The following GALNT9 variants were observed in gnomAD, a reference collection of about 807,000 sequenced individuals.
The protein encoded by GALNT9 is polypeptide N-acetylgalactosaminyltransferase 9, also known as GalNAc transferase 9.
A neutral mutation model predicts 63.1 loss-of-function variants in GALNT9; 47 were observed. That is an observed-to-expected ratio of 0.75 (90% CI 0.59 to 0.95). The LOEUF is 0.95. Among genes scored for constraint, GALNT9 ranks in the 40% least tolerant of loss-of-function variants. The pLI is 0.00. For missense variants in GALNT9, 829 were observed against 874.8 expected (o/e 0.95, Z 0.66); for synonymous variants, 396 against 365.7 (o/e 1.08, Z -0.94).
chr12:132,281,790 C>A (rs1880354069), intron 2 of GALNT9, among the ~76,000 whole-genome samples: 1 of 152,140 alleles, frequency 6.6e-6, no homozygotes, highest in African/African-American at 2.4e-5. Flanking sequence ...CAAGCCCAGG[C>A]CTGGGGGTCC....
At position 132,302,685 on chromosome 12, in the gene GALNT9, G is replaced by A. The variant is rs539970900; in HGVS notation, c.239-16255C>T. 5.3e-5 allele frequency among the ~76,000 whole-genome samples: 8 copies of A among 152,358 alleles called. No homozygotes were observed. The South Asian group carries it at 8.3e-4, about 16-fold the overall frequency. ...GCCCAGGGCAGCCGCTTCCACGCAG[G>A]TGTGGGTCAGAGGCAGGGGCAGGAT... On this transcript the variant is annotated intron_variant, in intron 1 of 10. Transcript: ENST00000328957.
In GALNT9 at chr12:132,196,890, C is replaced by T. The variant is rs1875541515; in HGVS notation, c.*217G>A. On this transcript the variant is annotated 3_prime_UTR_variant, in exon 11 of 11. Coordinates refer to ENST00000328957, the MANE Select transcript of GALNT9 (RefSeq NM_001122636.2). ...GCATCACTGTCCCCAGACGCCCTCC[C>T]TCGGGTAGAGCCGCCTGTCCTAGGA... 2.9e-6 allele frequency: 4 copies of T among 1,388,962 alleles called. No individual in the cohort carries two copies. The highest frequency in any genetic ancestry group is 3.7e-6 in the Non-Finnish European group (4 of 1,072,528). The allele number at this position is 1,388,962 out of a possible 1,614,324, so 86.0% of individuals were successfully genotyped here.
chr12:132,294,717 C>G (rs1593110464), intron 1 of GALNT9, among the ~76,000 whole-genome samples: 1 of 45,032 alleles, frequency 2.2e-5, no homozygotes, highest in Non-Finnish European at 4.0e-5. Context: ...CCGGGGCAGC[C>G]TCTGGGAGGG....
At chr12:132,250,562 G>C (rs782361839) in intron 5 of GALNT9, among the ~76,000 whole-genome samples, 25 of 152,250 alleles carry the variant, frequency 1.6e-4, no homozygotes, top group Non-Finnish European at 3.2e-4. Context: ...TGCCAAGGCA[G>C]GCAGATCACC....
chr12:132,205,095 G>A (rs897717583), intron 6 of GALNT9, among the ~76,000 whole-genome samples: 4 of 152,150 alleles, frequency 2.6e-5, no homozygotes, highest in Admixed American at 2.0e-4. Context: ...GTCATCCCTG[G>A]ACTCTGGTTC....
chr12:132,252,307 C>T lies in GALNT9; in HGVS notation c.960-4280G>A, dbSNP rs947608740. The stretch of plus-strand genomic sequence containing the variant: ...CAGGCACATGGGCACCTCCTGCAGC[C>T]GCATCCCCGCCACGACTGAAGCCTT... On this transcript the variant is annotated intron_variant, in intron 5 of 10. Transcript: ENST00000328957. The surrounding 1 kb of genome is among the most constrained non-coding windows in gnomAD (Gnocchi z 5.2). 3.9e-5 allele frequency among the ~76,000 whole-genome samples: 6 copies of T among 152,190 alleles called. No individual in the cohort carries two copies. Among genetic ancestry groups the T allele is most frequent in the African/African-American group, 7.2e-5 (3 of 41,456 alleles).
Position 132,286,291 on chromosome 12 carries a change from G to A in GALNT9, c.378C>T (p.Arg126=), listed in dbSNP as rs782511999. The A allele has an allele frequency of 6.4e-7, 1 of 1,551,228 alleles. No homozygotes were observed. Among genetic ancestry groups the A allele is most frequent in the South Asian group, 1.2e-5 (1 of 84,060 alleles). The change falls in exon 2 of 11, where the codon CGC becomes CGT. Residue 126 remains arginine, a synonymous_variant. Transcript: ENST00000328957. This position sits in a 1 kb window ranked among gnomAD's most constrained non-coding sequence, Gnocchi z 7.4. ...EYGYNAQLSD[R]ISLDRSIPDY... ...CGGGGATGCTCCGATCGAGGGAGAT[G>A]CGGTCGCTGAGCTGAGCGTTGTAGC...
rs566791360 is a variant in GALNT9 at position 132,298,965 on chromosome 12, C to T, written c.239-12535G>A. 4.0e-4 allele frequency among the ~76,000 whole-genome samples: 59 copies of T among 148,752 alleles called. 3 individuals are homozygous for T. Among genetic ancestry groups the T allele is most frequent in the Non-Finnish European group, 5.8e-4 (39 of 66,954 alleles). On this transcript the variant is annotated intron_variant, in intron 1 of 10. Coordinates refer to ENST00000328957, the MANE Select transcript of GALNT9 (RefSeq NM_001122636.2). ...TAAACAACCCACTCCTGAGATAAAT[C>T]ACTCCCATAACTAACCCACTCGGAC...
chr12:132,250,213 G>A (rs1007725599), intron 5 of GALNT9, among the ~76,000 whole-genome samples: 2 of 152,134 alleles, frequency 1.3e-5, no homozygotes, highest in Admixed American at 6.5e-5. Flanking sequence ...GTGTGACTCC[G>A]TCCGCATGCA....
Position 132,319,116 on chromosome 12 carries a change from C to T in GALNT9, c.238+9850G>A, listed in dbSNP as rs1868661717. On this transcript the variant is annotated intron_variant, in intron 1 of 10. Transcript: ENST00000328957. The surrounding 1 kb of genome is among the most constrained non-coding windows in gnomAD (Gnocchi z 5.2). Reference sequence around the variant, plus strand: ...CGTGCGTGCCTTCATGTGAGGTGTGCTCCCCATGGTTGAAGCTAGTTGTGA... The same window carrying T: ...CGTGCGTGCCTTCATGTGAGGTGTGTTCCCCATGGTTGAAGCTAGTTGTGA... Among the ~76,000 whole-genome samples, 1 of 152,176 alleles carries T rather than the reference C, an allele frequency of 6.6e-6. No individual in the cohort carries two copies. The highest frequency in any genetic ancestry group is 2.1e-4 in the South Asian group (1 of 4,832).
intron 1 of GALNT9, among the ~76,000 whole-genome samples, chr12:132,324,733 G>A (rs1367184096): frequency 3.4e-5 from 5 of 148,618 alleles, no homozygotes; most frequent in Non-Finnish European, 6.0e-5. Flanking sequence ...TCCCCCCACC[G>A]CCCCTTTCTC....
At chr12:132,305,986 G>C (rs913022333) in intron 1 of GALNT9, among the ~76,000 whole-genome samples, 2 of 151,868 alleles carry the variant, frequency 1.3e-5, no homozygotes, top group Non-Finnish European at 2.9e-5. Flanking sequence ...GGGGGCTCAC[G>C]GCGGGGCCCA....
At chr12:132,237,255 C>T (rs1050477064) in intron 6 of GALNT9, among the ~76,000 whole-genome samples, 4 of 152,086 alleles carry the variant, frequency 2.6e-5, no homozygotes, top group Non-Finnish European at 5.9e-5. Context: ...TGATCACACC[C>T]GTCCACACCT....
At chr12:132,237,095 G>C (rs1878032257) in intron 6 of GALNT9, among the ~76,000 whole-genome samples, 1 of 151,998 alleles carries the variant, frequency 6.6e-6, no homozygotes, top group Admixed American at 6.6e-5. Context: ...CCCCAGTGTG[G>C]AGCGGCCAGG....
intron 1 of GALNT9, among the ~76,000 whole-genome samples, chr12:132,295,289 G>A (rs368033897): frequency 1.3e-5 from 2 of 152,218 alleles, no homozygotes; most frequent in Non-Finnish European, 2.9e-5. Context: ...GAGGCCCAGC[G>A]CCAGGCGCTG....
Position 132,286,259 on chromosome 12 carries a change from C to T in GALNT9, c.410G>A (p.Arg137Gln), listed in dbSNP as rs1555242163. 7.1e-6 allele frequency: 11 copies of T among 1,550,042 alleles called. No individual in the cohort carries two copies. Among genetic ancestry groups the T allele is most frequent in the Middle Eastern group, 1.7e-4 (1 of 6,000 alleles). ...GCAGTCACTCACTCACTTTCTGGGC[C>T]GGTAGTCGGGGATGCTCCGATCGAG... Reference protein sequence around the residue: ...ISLDRSIPDYRPRKCRQMSYA... With the variant: ...ISLDRSIPDYQPRKCRQMSYA... The change falls in exon 2 of 11, where the codon CGG (arginine) becomes CAG (glutamine). Residue 137 changes from arginine (R) to glutamine (Q), a missense_variant. Arg to Gln is a conservative substitution (Grantham distance 43). Coordinates refer to ENST00000328957, the MANE Select transcript of GALNT9 (RefSeq NM_001122636.2). This position sits in a 1 kb window ranked among gnomAD's most constrained non-coding sequence, Gnocchi z 7.4.
At position 132,328,950 on chromosome 12, in the gene GALNT9, C is replaced by T. The variant is rs1245181953; in HGVS notation, c.238+16G>A. ...GGGCAGGGCTGCCCCCACTCCGCCCCGGCGCCCCCGCTCACCGTTGAGCTG... is the reference window on the plus strand; with the variant it reads ...GGGCAGGGCTGCCCCCACTCCGCCCTGGCGCCCCCGCTCACCGTTGAGCTG... On this transcript the variant is annotated intron_variant, in intron 1 of 10. Coordinates refer to ENST00000328957, the MANE Select transcript of GALNT9 (RefSeq NM_001122636.2). 2.5e-5 allele frequency: 38 copies of T among 1,506,694 alleles called. No individual in the cohort carries two copies. The highest frequency in any genetic ancestry group is 3.9e-4 in the Middle Eastern group (2 of 5,156). 93.3% of individuals were successfully genotyped at this position (1,506,694 alleles called of 1,614,324 possible). A position where few individuals can be genotyped will look rare whatever the true frequency, so the allele number is the denominator to read the frequency against.
chr12:132,255,768 C>A (rs1879083874), intron 5 of GALNT9, among the ~76,000 whole-genome samples: 1 of 152,234 alleles, frequency 6.6e-6, no homozygotes, highest in South Asian at 2.1e-4. Context: ...CATACACATC[C>A]AGCAGGCTGC....
At chr12:132,258,797 T>G (rs1451094859) in intron 4 of GALNT9, among the ~76,000 whole-genome samples, 1 of 152,208 alleles carries the variant, frequency 6.6e-6, no homozygotes, top group African/African-American at 2.4e-5. Flanking sequence ...GCCCTCGCCC[T>G]TGGAGACGCC....
Sources: gnomAD v4.1 joint callset for allele counts (sites outside exome capture counted in the v4.1 genomes callset) on GRCh38, gnomAD v4.1.1 for gene constraint, Gnocchi (gnomAD v3.1) non-coding constraint, MANE v1.5 for transcripts, NCBI Gene and HGNC (gene_info 2026-07-23, HGNC 2026-07-21) for gene names.